Variants in MX1 observed in about 807,000 individuals in gnomAD.
MX1 encodes MX dynamin like GTPase 1, also known as interferon-induced GTP-binding protein Mx1.
A neutral mutation model predicts 66.4 loss-of-function variants in MX1; 66 were observed. The observed-to-expected ratio is 0.99, with a 90% CI of 0.82 to 1.22. The LOEUF is 1.22. MX1 is among the 50% of genes most tolerant of loss of function. The probability of loss-of-function intolerance (pLI) is 0.00; values close to 1 mark genes in which losing one functional copy is unlikely to be tolerated. For synonymous variants in MX1, 311 were observed against 318.1 expected (o/e 0.98, Z 0.24); for missense variants, 787 against 834.3 (o/e 0.94, Z 0.70).
At chr21:41,456,375 C>A (rs1297611735) in intron 16 of MX1, among the ~76,000 whole-genome samples, 1 of 152,210 alleles carries the variant, frequency 6.6e-6, no homozygotes, top group Non-Finnish European at 1.5e-5. Flanking sequence ...GGCAGGCCAG[C>A]AGGAAGAGCA....
intron 1 of MX1, chr21:41,420,863 G>T (rs1232260813): frequency 6.6e-6 from 1 of 152,320 alleles, no homozygotes; most frequent in Non-Finnish European, 1.5e-5. Context: ...TGTGGTGTCA[G>T]GCACCTGAAG....
chr21:41,427,902 C>A (rs868741138), intron 3 of MX1, 36 bp downstream of exon 3: 1 of 152,176 alleles, frequency 6.6e-6, no homozygotes, highest in African/African-American at 2.4e-5. Flanking sequence ...TGGGTTCTTT[C>A]TTTTCTTTCT....
rs111872601 is a variant in MX1 at position 41,445,873 on chromosome 21, G to T, written c.1132-127G>T. On this transcript the variant is annotated intron_variant, in intron 12 of 16. Transcript: ENST00000398598. ...AGTGCCAAAACCTCTTCTTTCCCCT[G>T]ATCCACAGTGTCCCATAAGAAAGCA... 52 of 1,215,922 alleles carry T rather than the reference G, an allele frequency of 4.3e-5. No individual in the cohort carries two copies. The Middle Eastern group carries it at 9.5e-4, about 22-fold the overall frequency. The allele number at this position is 1,215,922 out of a possible 1,614,324, so 75.3% of individuals were successfully genotyped here.
rs375890957 is a variant in MX1 at position 41,432,174 on chromosome 21, C to G, written c.104C>G (p.Ser35Trp). 1.2e-6 allele frequency: 2 copies of G among 1,613,760 alleles called. No homozygotes were observed. The highest frequency in any genetic ancestry group is 1.7e-6 in the Non-Finnish European group (2 of 1,179,930). ...DATVAQKNPG[S>W]VAENNLCSQY... ...ACTGTGGCCCAGAAAAATCCAGGCTCGGTAAGTTGCTCTCTGAAAGTCGCT... is the reference window on the plus strand; with the variant it reads ...ACTGTGGCCCAGAAAAATCCAGGCTGGGTAAGTTGCTCTCTGAAAGTCGCT... The change falls in exon 5 of 17, where the codon TCG becomes TGG. Residue 35 changes from serine (S) to tryptophan (W), a missense_variant and splice_region_variant. Transcript: ENST00000398598.
At chr21:41,425,128 C>T (rs1049055531), upstream of MX1, among the ~76,000 whole-genome samples, 2 of 152,180 alleles carry the variant, frequency 1.3e-5, no homozygotes, top group African/African-American at 4.8e-5. Context: ...TAAATGTTAA[C>T]TGTTTTCATG....
chr21:41,448,838 G>A (rs538159065), intron 13 of MX1, among the ~76,000 whole-genome samples: 45 of 151,930 alleles, frequency 3.0e-4, no homozygotes, highest in Non-Finnish European at 5.4e-4. Context: ...GGTCTTACTC[G>A]AAGTTTCTGC....
chr21:41,446,361 G>A (rs999690057), intron 13 of MX1, among the ~76,000 whole-genome samples: 3 of 152,248 alleles, frequency 2.0e-5, no homozygotes, highest in African/African-American at 4.8e-5. Flanking sequence ...AAGCTTCCTC[G>A]GACCTCTTTT....
In MX1 at chr21:41,441,467, T is replaced by C. The variant is rs116625903; in HGVS notation, c.731-249T>C. ...AAACAAAACGTGGCGTGTTCTACAG[T>C]GGACCCGGGTGAAGGAGCTTGGGGA... On this transcript the variant is annotated intron_variant, in intron 9 of 16. Coordinates refer to ENST00000398598, the MANE Select transcript of MX1 (RefSeq NM_002462.5). This position sits in a 1 kb window ranked among gnomAD's most constrained non-coding sequence, Gnocchi z 4.0. 2,299 of 562,118 alleles carry C rather than the reference T, an allele frequency of 4.1e-3. 34 individuals carry two copies. The highest frequency in any genetic ancestry group is 0.035 in the African/African-American group (1,867 of 53,308). 34.8% of individuals were successfully genotyped at this position (562,118 alleles called of 1,614,324 possible).
intron 5 of MX1, among the ~76,000 whole-genome samples, chr21:41,434,074 A>G (rs945055430): frequency 1.3e-5 from 2 of 152,196 alleles, no homozygotes; most frequent in Non-Finnish European, 2.9e-5. Context: ...GCAACAAACA[A>G]TCTTCTAACC....
chr21:41,439,911 G>GC, intron 8 of MX1, 63 bp downstream of exon 8: 2 of 1,113,196 alleles, frequency 1.8e-6, no homozygotes, highest in Non-Finnish European at 2.6e-6. Flanking sequence ...GGAGGGGTGG[G>GC]AGGAGAAAGA....
rs771741108 is a variant in MX1 at position 41,432,090 on chromosome 21, A to G, written c.20A>G (p.Asp7Gly). The G allele has an allele frequency of 8.1e-6, 13 of 1,614,144 alleles. No homozygotes were observed. The highest frequency in any genetic ancestry group is 1.6e-4 in the Middle Eastern group (1 of 6,062). ...AGGAAGATGGTTGTTTCCGAAGTGGACATCGCAAAAGCTGATCCAGCTGCT... is the reference window on the plus strand; with the variant it reads ...AGGAAGATGGTTGTTTCCGAAGTGGGCATCGCAAAAGCTGATCCAGCTGCT... MVVSEV[D>G]IAKADPAAAS... The change falls in exon 5 of 17, where the codon GAC becomes GGC. Residue 7 changes from aspartate to glycine, a missense_variant. Physicochemically the swap from Asp to Gly is moderately conservative, Grantham distance 94 (BLOSUM62 -1). Coordinates refer to ENST00000398598, the MANE Select transcript of MX1 (RefSeq NM_002462.5).
rs564340267 is a variant in MX1 at position 41,437,838 on chromosome 21, A to G, written c.436+686A>G. Among the ~76,000 whole-genome samples the G allele has an allele frequency of 2.6e-5, 4 of 152,328 alleles. No individual in the cohort carries two copies. The South Asian group carries it at 8.3e-4, about 32-fold the overall frequency. On this transcript the variant is annotated intron_variant, in intron 7 of 16. Coordinates refer to ENST00000398598, the MANE Select transcript of MX1 (RefSeq NM_002462.5). ...ACTCCACATTGTGGACAGGATCGTC[A>G]CTGAACCCCACTCAGAACCAGCACC...
Position 41,441,651 on chromosome 21 carries a change from AGTT to A in MX1, c.731-61_731-59del. The A allele has an allele frequency of 1.9e-6, 3 of 1,538,576 alleles. No individual in the cohort carries two copies. Among genetic ancestry groups the A allele is most frequent in the Admixed American group, 3.3e-5 (2 of 59,924 alleles). On this transcript the variant is annotated intron_variant, in intron 9 of 16. Transcript: ENST00000398598. The surrounding 1 kb of genome is among the most constrained non-coding windows in gnomAD (Gnocchi z 4.0). The stretch of plus-strand genomic sequence containing the variant: ...ACCCTGGGAGGCCGGGGGCGTGAGC[AGTT>A]GTTCGTTCACCTCTGCCTCGTGACT...
chr21:41,422,617 C>T (rs2090004834), upstream of MX1: 1 of 151,970 alleles, frequency 6.6e-6, no homozygotes, highest in African/African-American at 2.4e-5. Context: ...GGGCCATTAT[C>T]AGAGTATAAG....
At chr21:41,444,318 C>CTTTTTTTTTTTT (rs11317486) in intron 11 of MX1, among the ~76,000 whole-genome samples, 16 of 71,526 alleles carry the variant, frequency 2.2e-4, no homozygotes, top group East Asian at 8.8e-4. Context: ...TCTTTTCTTT[C>CTTTTTTTTTTTT]TTTTTTTTTT....
At chr21:41,421,487 G>C (rs1016500334), upstream of MX1, 2 of 157,722 alleles carry the variant, frequency 1.3e-5, no homozygotes, top group Admixed American at 6.5e-5. Flanking sequence ...CTATCACATG[G>C]GGAGAAACCT....
Position 41,451,244 on chromosome 21 carries a change from G to A in MX1, c.1509+1G>A. The A allele has an allele frequency of 6.3e-7, 1 of 1,591,822 alleles. No homozygotes were observed. Among genetic ancestry groups the A allele is most frequent in the Non-Finnish European group, 8.6e-7 (1 of 1,162,610 alleles). ...TTTTAACCTCCACAGAACCGCCAAG[G>A]TAAAACCAACCATGTGTTGTTTAAA... On this transcript the variant is annotated splice_donor_variant, in intron 15 of 16. Transcript: ENST00000398598. LOFTEE classifies it high-confidence loss of function.
In MX1 at chr21:41,441,791, T is replaced by A; in HGVS notation, c.806T>A (p.Phe269Tyr). ...KVVDVVRNLV[F>Y]HLKKGYMIVK... is the part of the protein sequence containing the mutation. ...GTGGACGTGGTGCGGAACCTCGTGT[T>A]CCACCTGAAGAAGGGTTACATGATT... The change falls in exon 10 of 17, where the codon TTC becomes TAC. Residue 269 changes from phenylalanine to tyrosine, a missense_variant. Transcript: ENST00000398598. The surrounding 1 kb of genome is among the most constrained non-coding windows in gnomAD (Gnocchi z 4.0). 6.2e-7 allele frequency: 1 copy of A among 1,614,158 alleles called. No individual in the cohort carries two copies. The highest frequency in any genetic ancestry group is 8.5e-7 in the Non-Finnish European group (1 of 1,180,032).
chr21:41,458,371 G>A (rs1036819131), intron 16 of MX1, among the ~76,000 whole-genome samples, 157 bp from the exon 17 acceptor site: 1 of 152,196 alleles, frequency 6.6e-6, no homozygotes, highest in Non-Finnish European at 1.5e-5. Context: ...CACCACCATG[G>A]AGGAGATTGA....
Sources: allele counts gnomAD v4.1 joint callset (sites outside exome capture counted in the v4.1 genomes callset), GRCh38; gene constraint gnomAD v4.1.1; non-coding constraint Gnocchi (gnomAD v3.1); transcripts MANE v1.5; gene names NCBI Gene and HGNC (gene_info 2026-07-23, HGNC 2026-07-21).